TM4SF19: variants seen among roughly 807,000 people sequenced by gnomAD.
TM4SF19 encodes the protein transmembrane 4 L6 family member 19.
TM4SF19 carries 17 observed loss-of-function variants against 21.8 expected under a neutral mutation model. The ratio of observed to expected loss-of-function variants is 0.78; its 90% confidence interval spans 0.53 to 1.17. The LOEUF is 1.17. Ranked by LOEUF, TM4SF19 falls within the 50% of genes most tolerant of loss-of-function variation. The probability of loss-of-function intolerance (pLI) is 0.00; values close to 1 mark genes in which losing one functional copy is unlikely to be tolerated. For synonymous variants in TM4SF19, 107 were observed against 106.7 expected, an observed-to-expected ratio of 1.00 and a Z score of -0.02; for missense variants, 216 against 252.1, an observed-to-expected ratio of 0.86 and a Z score of 0.97.
At chr3:196,333,616 C>A (rs1199619266) in intron 1 of TM4SF19, among the ~76,000 whole-genome samples, 2 of 152,052 alleles carry the variant, frequency 1.3e-5, no homozygotes, top group Admixed American at 1.3e-4. Flanking sequence ...TGGGGGAGGG[C>A]CAGGGCTGAA....
At chr3:196,334,680 C>G (rs1198434694) in intron 1 of TM4SF19, among the ~76,000 whole-genome samples, 2 of 151,980 alleles carry the variant, frequency 1.3e-5, no homozygotes, top group African/African-American at 4.8e-5. Context: ...TCTTGAACTC[C>G]TGGTCTCAAG....
chr3:196,337,026 G>A (rs953184276), intron 1 of TM4SF19, among the ~76,000 whole-genome samples: 5 of 151,062 alleles, frequency 3.3e-5, no homozygotes, highest in Non-Finnish European at 7.4e-5. Context: ...GTCTAGTGGG[G>A]ACACTGCTGA....
chr3:196,324,705 G>GC, intron 3 of TM4SF19: 1 of 449,698 alleles, frequency 2.2e-6, no homozygotes, highest in South Asian at 3.2e-5. Context: ...AGAATCGCAG[G>GC]CCCCGGATCT....
intron 1 of TM4SF19, among the ~76,000 whole-genome samples, chr3:196,336,896 C>CT (rs1666638089): frequency 6.6e-6 from 1 of 152,088 alleles, no homozygotes; most frequent in Non-Finnish European, 1.5e-5. Context: ...CCCAGCAAGG[C>CT]TTTTCTTTCA....
chr3:196,327,132 C>T (rs994958611), intron 2 of TM4SF19, 100 bp from the exon 3 acceptor site: 14 of 991,438 alleles, frequency 1.4e-5, no homozygotes, highest in African/African-American at 4.8e-5. Context: ...CTCACATGAA[C>T]GCAGTCCTGT....
intron 1 of TM4SF19, among the ~76,000 whole-genome samples, chr3:196,330,867 G>T (rs1485146063): frequency 6.6e-6 from 1 of 152,088 alleles, no homozygotes; most frequent in Non-Finnish European, 1.5e-5. Context: ...TATCAATAAA[G>T]CTAATTACAA....
chr3:196,329,341 A>G lies in TM4SF19; in HGVS notation c.-1-1750T>C, dbSNP rs1286312502. On this transcript the variant is annotated intron_variant, in intron 1 of 4. Transcript: ENST00000273695. The stretch of plus-strand genomic sequence containing the variant: ...CATGCAAAACAAAACTGCCTTCACT[A>G]TTACTTCACAACATATTCAAAAATT... Among the ~76,000 whole-genome samples the G allele has an allele frequency of 2.4e-5, 3 of 127,030 alleles. 1 individual carries two copies. The highest frequency in any genetic ancestry group is 5.2e-5 in the Non-Finnish European group (3 of 57,780). The allele number at this position is 127,030 out of a possible 152,430, so 83.3% of individuals were successfully genotyped here.
At chr3:196,327,652 C>G in intron 1 of TM4SF19, 61 bp from the exon 2 acceptor site, 7 of 1,410,612 alleles carry the variant, frequency 5.0e-6, no homozygotes, top group Non-Finnish European at 7.0e-6. Context: ...GAAGGGAACT[C>G]CAGCAGCATA....
chr3:196,331,434 C>T (rs1395884055), intron 1 of TM4SF19, among the ~76,000 whole-genome samples: 1 of 151,382 alleles, frequency 6.6e-6, no homozygotes, highest in Non-Finnish European at 1.5e-5. Flanking sequence ...ACGTCTGTCT[C>T]CCCTTAAGGC....
At chr3:196,328,040 GCCTGTAAT>G in intron 1 of TM4SF19, among the ~76,000 whole-genome samples, 1 of 152,286 alleles carries the variant, frequency 6.6e-6, no homozygotes, top group African/African-American at 2.4e-5. Flanking sequence ...GGTGGCTCAG[GCCTGTAAT>G]CCCAGCACTT....
In TM4SF19 at chr3:196,326,961, A is replaced by C. The variant is rs1241376366; in HGVS notation, c.273T>G (p.Cys91Trp). The change falls in exon 3 of 5, where the codon TGT (cysteine) becomes TGG (tryptophan). Residue 91 changes from cysteine to tryptophan, a missense_variant. By Grantham distance (215) the Cys-to-Trp change is radical (BLOSUM62 -2). Transcript: ENST00000273695. ...RYGCFSKSGL[C>W]RSVLTALLSG... ...AGTGGAATCTGGTGCTTACGCTTCG[A>C]CAGAGCCCACTCTTACTGAAGCAGC... is the stretch of plus-strand genomic sequence containing the variant. 2 of 1,610,148 alleles carry C rather than the reference A, an allele frequency of 1.2e-6. No individual in the cohort carries two copies. The highest frequency in any genetic ancestry group is 2.7e-5 in the African/African-American group (2 of 74,846).
intron 4 of TM4SF19, 44 bp downstream of exon 4, chr3:196,324,227 T>A: frequency 6.3e-7 from 1 of 1,599,484 alleles, no homozygotes; most frequent in Admixed American, 1.7e-5. Flanking sequence ...TCTCTCTCTC[T>A]CTCTCTGTCT....
In TM4SF19 at chr3:196,324,393, C is replaced by G. The variant is rs749222140; in HGVS notation, c.327G>C (p.Leu109=). The change falls in exon 4 of 5, where the codon CTG becomes CTC. Residue 109 remains leucine, a synonymous_variant. Coordinates refer to ENST00000273695, the MANE Select transcript of TM4SF19 (RefSeq NM_138461.4). ...CAACTCCAGAAGTGACAAAGCAAAT[C>G]AGGGCTCCAAGTAAAGCCAGGCCAC... The part of the protein sequence containing the change: ...LSGGLALLGA[L]ICFVTSGVAL... The G allele has an allele frequency of 6.2e-7, 1 of 1,614,152 alleles. No homozygotes were observed. The highest frequency in any genetic ancestry group is 1.7e-5 in the Admixed American group (1 of 60,010).
At chr3:196,334,075 G>T (rs148430873) in intron 1 of TM4SF19, among the ~76,000 whole-genome samples, 36 of 151,714 alleles carry the variant, frequency 2.4e-4, no homozygotes, top group African/African-American at 8.2e-4. Flanking sequence ...AAAAAAAATT[G>T]CATTAAAAAA....
chr3:196,335,263 G>A, intron 1 of TM4SF19, among the ~76,000 whole-genome samples: 1 of 38,984 alleles, frequency 2.6e-5, no homozygotes, highest in Admixed American at 2.4e-4. Context: ...GGGGAGGGTG[G>A]AGGTAGCAGA....
Position 196,327,477 on chromosome 3 carries a change from AAGG to A in TM4SF19, c.111_113del (p.Leu38del), listed in dbSNP as rs755389780. 3 of 1,614,120 alleles carry A rather than the reference AAGG, an allele frequency of 1.9e-6. No individual in the cohort carries two copies. Among genetic ancestry groups the A allele is most frequent in the Non-Finnish European group, 1.7e-6 (2 of 1,180,032 alleles). On this transcript the variant is annotated inframe_deletion, in exon 2 of 5. Transcript: ENST00000273695. ...ACAGGTAGGTGACATCCCAGTTAGG[AAGG>A]AGGAGTGCCACGTTGGCCCCAGCAG... is the stretch of plus-strand genomic sequence containing the variant.
At position 196,325,800 on chromosome 3, in the gene TM4SF19, G is replaced by A. The variant is rs949033282; in HGVS notation, c.279+1155C>T. 3.9e-5 allele frequency among the ~76,000 whole-genome samples: 6 copies of A among 152,104 alleles called. No homozygotes were observed. Among genetic ancestry groups the A allele is most frequent in the African/African-American group, 1.2e-4 (5 of 41,418 alleles). ...CCTGTTAGAAATGCAAAACTTCCCC[G>A]CCATCCTGAATCAGAAACTCTGGGG... is the stretch of plus-strand genomic sequence containing the variant. On this transcript the variant is annotated intron_variant, in intron 3 of 4. Coordinates refer to ENST00000273695, the MANE Select transcript of TM4SF19 (RefSeq NM_138461.4). This position sits in a 1 kb window ranked among gnomAD's most constrained non-coding sequence, Gnocchi z 4.3.
intron 3 of TM4SF19, chr3:196,324,675 G>C: frequency 1.9e-6 from 1 of 521,964 alleles, no homozygotes; most frequent in East Asian, 3.1e-5. Flanking sequence ...GGGTTTCTAG[G>C]AGAGAAAGGA....
At chr3:196,328,655 T>C (rs975859743) in intron 1 of TM4SF19, among the ~76,000 whole-genome samples, 2 of 152,226 alleles carry the variant, frequency 1.3e-5, no homozygotes, top group Non-Finnish European at 2.9e-5. Flanking sequence ...ATAGTTAACA[T>C]GTTCTCCCTA....
Sources: gnomAD v4.1 joint callset for allele counts (sites outside exome capture counted in the v4.1 genomes callset) on GRCh38, gnomAD v4.1.1 for gene constraint, Gnocchi (gnomAD v3.1) non-coding constraint, MANE v1.5 for transcripts, NCBI Gene and HGNC (gene_info 2026-07-23, HGNC 2026-07-21) for gene names.